Variants in NAALADL2 observed in about 807,000 individuals in gnomAD.
NAALADL2 encodes N-acetylated alpha-linked acidic dipeptidase like 2.
NAALADL2 carries 76 observed loss-of-function variants against 87.2 expected under a neutral mutation model. The observed-to-expected ratio is 0.87, with a 90% CI of 0.72 to 1.05. The LOEUF (loss-of-function observed/expected upper bound fraction) is 1.05. NAALADL2 is among the 50% of genes least tolerant of loss of function. NAALADL2 has a pLI of 0.00. For synonymous variants in NAALADL2, 354 were observed against 331.0 expected (o/e 1.07, Z -0.75); for missense variants, 1,089 against 945.8 (o/e 1.15, Z -1.99).
At chr3:175,077,514 C>T (rs1027121194) in intron 1 of NAALADL2, among the ~76,000 whole-genome samples, 6 of 152,066 alleles carry the variant, frequency 3.9e-5, no homozygotes, top group African/African-American at 1.4e-4. Context: ...AGAAATATTT[C>T]TAACTTTGTT....
At chr3:175,232,221 A>AGAAGAGGAAGAG (rs1745064192) in intron 2 of NAALADL2, among the ~76,000 whole-genome samples, 1 of 148,638 alleles carries the variant, frequency 6.7e-6, no homozygotes, top group African/African-American at 2.5e-5. Context: ...GAAGAGAAGA[A>AGAAGAGGAAGAG]GAAGAAGAGG....
At chr3:175,363,653 A>G (rs1765265227) in intron 5 of NAALADL2, among the ~76,000 whole-genome samples, 1 of 147,952 alleles carries the variant, frequency 6.8e-6, no homozygotes, top group African/African-American at 2.5e-5. Flanking sequence ...TCTCTTTTAC[A>G]TTATTTTTAT....
intron 2 of NAALADL2, among the ~76,000 whole-genome samples, chr3:175,174,467 G>A (rs192132239): frequency 6.6e-6 from 1 of 151,606 alleles, no homozygotes; most frequent in African/African-American, 2.4e-5. Context: ...CTTTCATATT[G>A]CCCTCAGTAT....
intron 1 of NAALADL2, among the ~76,000 whole-genome samples, chr3:174,941,688 G>A (rs1738618994): frequency 6.6e-6 from 1 of 151,852 alleles, no homozygotes; most frequent in Admixed American, 6.6e-5. Flanking sequence ...TCCTGTGTTG[G>A]GTGCATATAT....
intron 2 of NAALADL2, among the ~76,000 whole-genome samples, chr3:175,206,600 G>A (rs1439768187): frequency 6.6e-6 from 1 of 151,854 alleles, no homozygotes; most frequent in African/African-American, 2.4e-5. Context: ...TACAAATACA[G>A]TTCAGTGTAT....
In NAALADL2 at chr3:175,071,622, C is replaced by T. The variant is rs144498028; in HGVS notation, c.44-25168C>T. 7.2e-5 allele frequency among the ~76,000 whole-genome samples: 11 copies of T among 151,928 alleles called. No homozygotes were observed. In the East Asian group the frequency reaches 1.6e-3, roughly 21 times the overall value. ...AAGTTTAGTGTGTGAGATTGTGTAC[C>T]GTCCCCAATTAATTGGTTGTATCAG... On this transcript the variant is annotated intron_variant, in intron 1 of 13. Transcript: ENST00000454872.
intron 2 of NAALADL2, among the ~76,000 whole-genome samples, chr3:175,222,495 G>C (rs1743532365): frequency 6.6e-6 from 1 of 152,108 alleles, no homozygotes; most frequent in South Asian, 2.1e-4. Flanking sequence ...TTTCAGACTT[G>C]ATCCTGACAG....
chr3:175,323,415 G>C (rs9878867), intron 4 of NAALADL2, among the ~76,000 whole-genome samples: 74,910 of 147,506 alleles, frequency 0.51, 21,289 homozygotes, highest in African/African-American at 0.77. Flanking sequence ...GTGCAGCGCA[G>C]CAGCATGGCA....
At chr3:174,446,893 G>A (rs904431096) in intron 1 of NAALADL2, among the ~76,000 whole-genome samples, 1 of 152,048 alleles carries the variant, frequency 6.6e-6, no homozygotes, top group Non-Finnish European at 1.5e-5. Flanking sequence ...TTGGATGGAG[G>A]GATCTGATGA....
At chr3:175,674,384 C>T (rs938689618) in intron 11 of NAALADL2, among the ~76,000 whole-genome samples, 7 of 151,830 alleles carry the variant, frequency 4.6e-5, no homozygotes, top group Non-Finnish European at 8.8e-5. Flanking sequence ...CTCAGCCTTC[C>T]GAGTAGCTGG....
At chr3:175,494,694 G>C (rs1338182839) in intron 9 of NAALADL2, among the ~76,000 whole-genome samples, 1 of 152,158 alleles carries the variant, frequency 6.6e-6, no homozygotes, top group East Asian at 1.9e-4. Context: ...TTTCCAATCG[G>C]TACCTAGGAC....
At position 174,905,828 on chromosome 3, in the gene NAALADL2, G is replaced by A. The variant is rs998576203; in HGVS notation, c.43+46378G>A. 9.2e-5 allele frequency among the ~76,000 whole-genome samples: 14 copies of A among 152,086 alleles called. No homozygotes were observed. In the East Asian group the frequency reaches 2.7e-3, roughly 29 times the overall value. ...AAGGAAATGTGTTTTCTGGATCTGA[G>A]ACATCAAAATTATCTGGGGTTTTAT... On this transcript the variant is annotated intron_variant, in intron 1 of 13. Transcript: ENST00000454872.
At chr3:175,197,263 G>A (rs1253366154) in intron 2 of NAALADL2, among the ~76,000 whole-genome samples, 2 of 151,976 alleles carry the variant, frequency 1.3e-5, no homozygotes, top group Admixed American at 6.6e-5. Context: ...GAATAAGCCC[G>A]CGTAGAGTCC....
At chr3:174,642,748 ACATATATATATATATATATATATAT>A (rs1560112329) in intron 2 of NAALADL2, among the ~76,000 whole-genome samples, 2 of 39,594 alleles carry the variant, frequency 5.1e-5, no homozygotes, top group African/African-American at 7.5e-5. Flanking sequence ...ATGAAAAAAA[ACATATATATATATATATATATATAT>A]ATATATATAT....
intron 3 of NAALADL2, among the ~76,000 whole-genome samples, chr3:174,787,621 A>ACACAT (rs1578931205): frequency 7.3e-5 from 8 of 109,232 alleles, no homozygotes; most frequent in Non-Finnish European, 1.2e-4. Flanking sequence ...ATATATATAT[A>ACACAT]GTAGTGACTC....
chr3:174,500,262 C>T (rs536920478), intron 1 of NAALADL2, among the ~76,000 whole-genome samples: 9 of 152,104 alleles, frequency 5.9e-5, no homozygotes, highest in Admixed American at 2.0e-4. Flanking sequence ...ATGTGTTATA[C>T]GTGGATCTTG....
intron 11 of NAALADL2, among the ~76,000 whole-genome samples, chr3:175,734,134 C>T (rs1170310664): frequency 6.6e-6 from 1 of 152,216 alleles, no homozygotes; most frequent in Admixed American, 6.5e-5. Context: ...CGTGGTGCCC[C>T]AGTAGGGACT....
intron 2 of NAALADL2, among the ~76,000 whole-genome samples, chr3:175,142,607 C>CA (rs921278709): frequency 1.3e-5 from 2 of 150,864 alleles, no homozygotes; most frequent in African/African-American, 2.4e-5. Context: ...TATTACTGCA[C>CA]TTTTTTTTTT....
intron 1 of NAALADL2, among the ~76,000 whole-genome samples, chr3:174,527,808 G>A (rs1206354624): frequency 6.6e-6 from 1 of 152,006 alleles, no homozygotes; most frequent in Non-Finnish European, 1.5e-5. Flanking sequence ...GGGATTTCAG[G>A]GGTTATCTAC....
Sources: gnomAD v4.1 joint callset for allele counts (sites outside exome capture counted in the v4.1 genomes callset) on GRCh38, gnomAD v4.1.1 for gene constraint, MANE v1.5 for transcripts, NCBI Gene and HGNC (gene_info 2026-07-23, HGNC 2026-07-21) for gene names.